Variants in RABGAP1L observed in about 807,000 individuals in gnomAD.
RABGAP1L encodes RAB GTPase activating protein 1 like, also known as rab GTPase-activating protein 1-like.
RABGAP1L carries 63 observed loss-of-function variants against 137.7 expected under a neutral mutation model. The ratio of observed to expected loss-of-function variants is 0.46; its 90% CI spans 0.37 to 0.56. The LOEUF is 0.56. RABGAP1L is among the 20% of genes least tolerant of loss of function. RABGAP1L has a pLI of 0.00. For synonymous variants in RABGAP1L, 431 were observed against 433.7 expected, an observed-to-expected ratio of 0.99 and a Z score of 0.08; for missense variants, 1,095 against 1,244.0, an observed-to-expected ratio of 0.88 and a Z score of 1.80.
chr1:174,441,417 A>T (rs1216059742), intron 13 of RABGAP1L, among the ~76,000 whole-genome samples: 1 of 152,134 alleles, frequency 6.6e-6, no homozygotes, highest in Non-Finnish European at 1.5e-5. Context: ...GGAAAAAAGT[A>T]TGGTAAGAAA....
chr1:174,312,946 A>G (rs147119807), intron 11 of RABGAP1L, among the ~76,000 whole-genome samples: 123 of 152,140 alleles, frequency 8.1e-4, no homozygotes, highest in African/African-American at 2.8e-3. Context: ...CTTCAGTTCC[A>G]TTGGTCTATG....
rs764707300 is a variant in RABGAP1L at position 174,394,120 on chromosome 1, A to G, written c.1685A>G (p.Asp562Gly). ...TGCCATGACAACCAGGCAATGCTGG[A>G]TAGATACCGAATTCTTATCACAAAG... ...AGCHDNQAMLDRYRILITKDS... is the reference protein window; with the variant it reads ...AGCHDNQAMLGRYRILITKDS... The change falls in exon 13 of 26, where the codon GAT (aspartate) becomes GGT (glycine). Residue 562 changes from aspartate to glycine, a missense_variant. This residue lies in a region of RABGAP1L where 315 missense variants were observed against 324.8 expected (regional missense o/e 0.97). Coordinates refer to ENST00000681986, the MANE Select transcript of RABGAP1L (RefSeq NM_001366446.1). The G allele has an allele frequency of 3.1e-6, 5 of 1,613,646 alleles. No individual in the cohort carries two copies. The Admixed American group carries it at 5.0e-5, about 16-fold the overall frequency.
chr1:174,638,223 G>T (rs1469395522), intron 14 of RABGAP1L, among the ~76,000 whole-genome samples: 3 of 152,110 alleles, frequency 2.0e-5, no homozygotes, highest in East Asian at 3.8e-4. Flanking sequence ...CAAACATCAT[G>T]GCTAATTTGT....
chr1:174,501,132 A>G (rs1389410081), intron 13 of RABGAP1L, among the ~76,000 whole-genome samples: 1 of 152,116 alleles, frequency 6.6e-6, no homozygotes, highest in African/African-American at 2.4e-5. Flanking sequence ...CAAGGCCAAA[A>G]GCTTGGGAAA....
intron 18 of RABGAP1L, among the ~76,000 whole-genome samples, chr1:174,793,703 T>TC (rs1431463298): frequency 6.9e-6 from 1 of 145,958 alleles, no homozygotes; most frequent in East Asian, 1.9e-4. Flanking sequence ...AATCAAGACT[T>TC]TTTTTTTTTT....
intron 19 of RABGAP1L, among the ~76,000 whole-genome samples, chr1:174,935,662 AAT>A (rs1451196239): frequency 3.3e-5 from 5 of 152,146 alleles, no homozygotes; most frequent in African/African-American, 9.7e-5. Context: ...CCTGATTGTC[AAT>A]ATATGCCCAG....
At chr1:174,651,937 T>G (rs1003765915) in intron 14 of RABGAP1L, among the ~76,000 whole-genome samples, 1 of 152,204 alleles carries the variant, frequency 6.6e-6, no homozygotes, top group Non-Finnish European at 1.5e-5. Flanking sequence ...GACTCGATGG[T>G]CTTTACAATT....
At chr1:174,568,899 A>G (rs1456164951) in intron 13 of RABGAP1L, among the ~76,000 whole-genome samples, 1 of 152,228 alleles carries the variant, frequency 6.6e-6, no homozygotes, top group Non-Finnish European at 1.5e-5. Context: ...GAAGGAAATT[A>G]GTAAGAGAAA....
Position 174,221,099 on chromosome 1 carries a change from G to C in RABGAP1L, c.266G>C (p.Gly89Ala). 1 of 1,613,718 alleles carries C rather than the reference G, an allele frequency of 6.2e-7. No individual in the cohort carries two copies. Among genetic ancestry groups the C allele is most frequent in the Non-Finnish European group, 8.5e-7 (1 of 1,179,830 alleles). ...AGTGAGATTTCAGACCATTCGTTTG[G>C]AGATATTCCAGCCAGCCAAACAAAT... ...SSSEISDHSF[G>A]DIPASQTNKP... The change falls in exon 3 of 26, where the codon GGA becomes GCA. Residue 89 changes from glycine to alanine, a missense_variant. By Grantham distance (60) the Gly-to-Ala change is moderately conservative. Around this residue, in one of 4 missense-constraint regions of RABGAP1L, gnomAD observed 356 missense variants for 326.3 expected, o/e 1.09. Transcript: ENST00000681986.
At chr1:174,436,647 C>T (rs1653355445) in intron 13 of RABGAP1L, among the ~76,000 whole-genome samples, 1 of 152,170 alleles carries the variant, frequency 6.6e-6, no homozygotes, top group South Asian at 2.1e-4. Context: ...TGTGCAGAAG[C>T]TCTTTAGTTT....
At chr1:174,370,902 T>A in intron 11 of RABGAP1L, 77 bp from the exon 12 acceptor site, 5 of 696,258 alleles carry the variant, frequency 7.2e-6, no homozygotes, top group Non-Finnish European at 1.1e-5. Context: ...CATGGAGTCA[T>A]GTTTATTGTA....
intron 13 of RABGAP1L, among the ~76,000 whole-genome samples, chr1:174,601,892 GA>G (rs1419534626): frequency 6.6e-6 from 1 of 152,056 alleles, no homozygotes; most frequent in African/African-American, 2.4e-5. Context: ...TTTTTTTGCT[GA>G]AACATAATAA....
In RABGAP1L at chr1:174,930,978, GA is replaced by G. The variant is rs1268682829; in HGVS notation, c.2341-26478del. Among the ~76,000 whole-genome samples, 8 of 152,240 alleles carry G rather than the reference GA, an allele frequency of 5.3e-5. 1 individual carries two copies. In the South Asian group the frequency reaches 1.4e-3, roughly 28 times the overall value. On this transcript the variant is annotated intron_variant, in intron 19 of 25. Coordinates refer to ENST00000681986, the MANE Select transcript of RABGAP1L (RefSeq NM_001366446.1). ...CCATGTTCTAATTTACCAAGTAGGG[GA>G]TAGTTTGGCTTTTAACCCCAAATGT... is the stretch of plus-strand genomic sequence containing the variant.
intron 13 of RABGAP1L, among the ~76,000 whole-genome samples, chr1:174,551,513 G>T (rs911275482): frequency 3.3e-5 from 5 of 152,226 alleles, no homozygotes; most frequent in Non-Finnish European, 5.9e-5. Context: ...CCTCCCACAT[G>T]TGTGCTGACA....
chr1:174,354,879 G>T (rs1683488247), intron 11 of RABGAP1L, among the ~76,000 whole-genome samples: 1 of 152,136 alleles, frequency 6.6e-6, no homozygotes, highest in Non-Finnish European at 1.5e-5. Context: ...TTCTACATAT[G>T]GCTAGCCAGT....
chr1:174,611,534 T>C (rs1463398822), intron 13 of RABGAP1L, among the ~76,000 whole-genome samples: 2 of 149,186 alleles, frequency 1.3e-5, no homozygotes, highest in Non-Finnish European at 3.0e-5. Context: ...GACTTGGCGA[T>C]GCGGGCTCTT....
At chr1:174,605,974 T>G (rs879449199) in intron 13 of RABGAP1L, among the ~76,000 whole-genome samples, 4 of 152,222 alleles carry the variant, frequency 2.6e-5, no homozygotes, top group Non-Finnish European at 4.4e-5. Context: ...TTGTTCTTGC[T>G]TCAATTTTGG....
intron 13 of RABGAP1L, 120 bp downstream of exon 13, chr1:174,394,265 G>A: frequency 1.7e-6 from 2 of 1,174,892 alleles, no homozygotes; most frequent in South Asian, 1.6e-5. Context: ...TTGAGGTCGT[G>A]AAGTCAGTAC....
chr1:174,753,326 G>A (rs191255301), intron 18 of RABGAP1L, among the ~76,000 whole-genome samples: 167 of 152,254 alleles, frequency 1.1e-3, no homozygotes, highest in Admixed American at 2.1e-3. Context: ...TCTCTCAAAA[G>A]ATAATGATGT....
Sources: allele counts gnomAD v4.1 joint callset (sites outside exome capture counted in the v4.1 genomes callset), GRCh38; gene constraint gnomAD v4.1.1; regional missense constraint gnomAD v4.1.1; transcripts MANE v1.5; gene names NCBI Gene and HGNC (gene_info 2026-07-23, HGNC 2026-07-21).